The following OR56A3 variants were observed in gnomAD, a reference collection of about 807,000 sequenced individuals.
OR56A3 encodes olfactory receptor family 56 subfamily A member 3.
A neutral mutation model predicts 17.5 loss-of-function variants in OR56A3; 23 were observed. The observed-to-expected ratio is 1.32, with a 90% CI of 0.95 to 1.87. The LOEUF is 1.87. Among genes scored for constraint, OR56A3 ranks in the 40% most tolerant of loss-of-function variants. The probability of loss-of-function intolerance (pLI) is 0.00; values close to 1 mark genes in which losing one functional copy is unlikely to be tolerated. For synonymous variants in OR56A3, 175 were observed against 150.6 expected, an observed-to-expected ratio of 1.16 and a Z score of -1.19; for missense variants, 366 against 380.1, an observed-to-expected ratio of 0.96 and a Z score of 0.31.
chr11:5,975,995 A>G, the OR56A3 span, among the ~76,000 whole-genome samples: 1 of 152,000 alleles, frequency 6.6e-6, no homozygotes, highest in African/African-American at 2.4e-5. Context: ...TTTAAGTAAA[A>G]TACTAGGAAA....
chr11:5,968,542 A>C, the OR56A3 span: 8 of 1,249,540 alleles, frequency 6.4e-6, no homozygotes, highest in Non-Finnish European at 6.8e-6. Flanking sequence ...TGTGTTTGAT[A>C]AGACACAGGA....
At chr11:6,019,491 G>C in the OR56A3 span, 1 of 152,322 alleles carries the variant, frequency 6.6e-6, no homozygotes, top group Admixed American at 6.5e-5. Flanking sequence ...AGTTCCACAT[G>C]GCTGGGGAAG....
the OR56A3 span, chr11:6,002,844 AT>A: frequency 6.2e-7 from 1 of 1,614,004 alleles, no homozygotes; most frequent in Non-Finnish European, 8.5e-7. Flanking sequence ...CTGGATGGTG[AT>A]CAGGAGGGTG....
chr11:5,991,345 C>T, the OR56A3 span, among the ~76,000 whole-genome samples: 1 of 152,206 alleles, frequency 6.6e-6, no homozygotes, highest in East Asian at 1.9e-4. Context: ...CAGCCCTCCC[C>T]TAATCATTTT....
chr11:6,002,712 G>A, the OR56A3 span: 18 of 1,614,104 alleles, frequency 1.1e-5, no homozygotes, highest in Admixed American at 5.0e-5. Context: ...GAAGCTGATC[G>A]ACCTGAGGTC....
the OR56A3 span, among the ~76,000 whole-genome samples, chr11:5,988,601 T>C: frequency 2.8e-4 from 43 of 152,320 alleles, 1 homozygote; most frequent in African/African-American, 1.0e-3. Context: ...ATAGTTATAA[T>C]TATTTTAATA....
the OR56A3 span, among the ~76,000 whole-genome samples, chr11:5,978,289 T>A: frequency 6.6e-6 from 1 of 152,162 alleles, no homozygotes; most frequent in Non-Finnish European, 1.5e-5. Context: ...TCTAAATTGC[T>A]TTGGGCAGTA....
chr11:5,947,310 G>T lies in OR56A3; in HGVS notation c.-36-1G>T, dbSNP rs142409098. 16,560 of 1,510,738 alleles carry T rather than the reference G, an allele frequency of 0.011. 124 individuals are homozygous for T. The highest frequency in any genetic ancestry group is 0.012 in the Non-Finnish European group (13,916 of 1,117,718). 93.6% of individuals were successfully genotyped at this position (1,510,738 alleles called of 1,614,324 possible). On this transcript the variant is annotated splice_acceptor_variant, in intron 2 of 2. Coordinates refer to ENST00000641160, the MANE Select transcript of OR56A3 (RefSeq NM_001003443.3). LOFTEE classifies it low-confidence loss of function (5UTR_SPLICE). ...GCTAGTTTGTAATCATAATTTTCCA[G>T]ATCACTGAAAGAAAGCAGTAAAATA...
At chr11:5,985,883 C>T in the OR56A3 span, 3 of 1,486,406 alleles carry the variant, frequency 2.0e-6, no homozygotes, top group Non-Finnish European at 2.7e-6. Flanking sequence ...CAGTCACAGG[C>T]TCCTGGCTGT....
At chr11:6,012,361 C>T in the OR56A3 span, among the ~76,000 whole-genome samples, 1 of 152,266 alleles carries the variant, frequency 6.6e-6, no homozygotes, top group East Asian at 1.9e-4. Context: ...AACAAATTGT[C>T]AGTTGTCAGC....
At chr11:5,994,031 A>C in the OR56A3 span, 7 of 470,362 alleles carry the variant, frequency 1.5e-5, no homozygotes, top group Non-Finnish European at 2.5e-5. Context: ...AGGCTGCAGT[A>C]GGTGGTGATC....
the OR56A3 span, among the ~76,000 whole-genome samples, chr11:5,957,234 T>G: frequency 6.6e-6 from 1 of 152,218 alleles, no homozygotes; most frequent in African/African-American, 2.4e-5. Flanking sequence ...CTTTATGCAC[T>G]GGAGTGTTTA....
the OR56A3 span, chr11:5,986,815 T>C: frequency 1.9e-6 from 3 of 1,614,000 alleles, no homozygotes; most frequent in South Asian, 3.3e-5. Flanking sequence ...CTGGCTTTCC[T>C]CTAAACCTGG....
chr11:5,958,584 G>A, the OR56A3 span, among the ~76,000 whole-genome samples: 4 of 152,084 alleles, frequency 2.6e-5, no homozygotes, highest in Non-Finnish European at 5.9e-5. Context: ...CTTGAATCTA[G>A]CTAGTTAACA....
the OR56A3 span, among the ~76,000 whole-genome samples, chr11:6,018,163 A>G: frequency 6.6e-6 from 1 of 152,058 alleles, no homozygotes; most frequent in Admixed American, 6.6e-5. Flanking sequence ...CCAACGCCCA[A>G]CTCTCAGCAT....
the OR56A3 span, chr11:5,994,276 T>A: frequency 3.3e-6 from 2 of 607,664 alleles, no homozygotes; most frequent in South Asian, 3.0e-5. Flanking sequence ...ACATCTCAGC[T>A]CCATGAGTGT....
the OR56A3 span, among the ~76,000 whole-genome samples, chr11:6,013,376 G>A: frequency 2.0e-5 from 3 of 152,194 alleles, no homozygotes; most frequent in African/African-American, 7.2e-5. Context: ...GGCCCTGCAG[G>A]GGGAGGCAAT....
chr11:5,988,841 T>C, the OR56A3 span, among the ~76,000 whole-genome samples: 1 of 152,206 alleles, frequency 6.6e-6, no homozygotes, highest in African/African-American at 2.4e-5. Flanking sequence ...ACTGGATATG[T>C]GTATGTAGGT....
At chr11:5,995,255 T>C in the OR56A3 span, among the ~76,000 whole-genome samples, 2 of 152,234 alleles carry the variant, frequency 1.3e-5, no homozygotes, top group African/African-American at 4.8e-5. Flanking sequence ...AGAGCTATTT[T>C]GTATTATTCA....
Sources: gnomAD v4.1 joint callset for allele counts (sites outside exome capture counted in the v4.1 genomes callset) on GRCh38, gnomAD v4.1.1 for gene constraint, MANE v1.5 for transcripts, NCBI Gene and HGNC (gene_info 2026-07-23, HGNC 2026-07-21) for gene names.